ZNF423: variants seen among roughly 807,000 people sequenced by gnomAD.
ZNF423 encodes the protein Ebf-associated zinc finger protein.
A neutral mutation model predicts 95.8 loss-of-function variants in ZNF423; 12 were observed. The observed-to-expected ratio is 0.13, with a 90% confidence interval of 0.08 to 0.20. ZNF423 has a LOEUF of 0.20. ZNF423 is among the 10% of genes least tolerant of loss of function. The probability of loss-of-function intolerance (pLI) is 1.00; values close to 1 mark genes in which losing one functional copy is unlikely to be tolerated. For synonymous variants in ZNF423, 749 were observed against 711.9 expected (o/e 1.05, Z -0.83); for missense variants, 1,316 against 1,737.1 (o/e 0.76, Z 4.31).
intron 1 of ZNF423, among the ~76,000 whole-genome samples, chr16:49,832,323 G>T (rs2035069619): frequency 6.6e-6 from 1 of 152,240 alleles, no homozygotes; most frequent in African/African-American, 2.4e-5. Flanking sequence ...CTCATGAAAT[G>T]CCTGTCTTCT....
intron 7 of ZNF423, among the ~76,000 whole-genome samples, chr16:49,498,038 T>A (rs1490560700): frequency 1.3e-5 from 2 of 152,110 alleles, no homozygotes; most frequent in African/African-American, 2.4e-5. Context: ...GGTGTGTGTG[T>A]GAGAGCTTGA....
At chr16:49,826,253 C>G (rs543834435) in intron 1 of ZNF423, among the ~76,000 whole-genome samples, 4 of 152,122 alleles carry the variant, frequency 2.6e-5, no homozygotes, top group Admixed American at 2.0e-4. Flanking sequence ...CAGGGATGGG[C>G]TTTGATGTGC....
At chr16:49,595,452 C>G (rs1444494308) in intron 5 of ZNF423, among the ~76,000 whole-genome samples, 14 of 152,206 alleles carry the variant, frequency 9.2e-5, no homozygotes, top group Admixed American at 2.0e-4. Context: ...CAGCCACAGA[C>G]CAGCTTAGCC....
chr16:49,669,335 AAAAAAG>A (rs994644251), intron 3 of ZNF423, among the ~76,000 whole-genome samples: 37 of 152,254 alleles, frequency 2.4e-4, no homozygotes, highest in East Asian at 1.7e-3. Flanking sequence ...GTCTCAAAAA[AAAAAAG>A]AAAAAGAAAA....
intron 5 of ZNF423, among the ~76,000 whole-genome samples, chr16:49,618,104 G>A (rs1025731636): frequency 6.6e-6 from 1 of 152,210 alleles, no homozygotes; most frequent in Non-Finnish European, 1.5e-5. Flanking sequence ...CAAACGTGAT[G>A]AGCCTTCAGG....
chr16:49,682,618 G>T (rs1455985013), intron 3 of ZNF423, among the ~76,000 whole-genome samples: 1 of 152,224 alleles, frequency 6.6e-6, no homozygotes, highest in South Asian at 2.1e-4. Flanking sequence ...GGACATGAAA[G>T]ATGGGAAGAG....
intron 5 of ZNF423, among the ~76,000 whole-genome samples, chr16:49,581,616 T>C (rs1018053988): frequency 6.6e-6 from 1 of 152,180 alleles, no homozygotes; most frequent in African/African-American, 2.4e-5. Flanking sequence ...AAATTGTAGT[T>C]AAAAATTTAG....
intron 3 of ZNF423, among the ~76,000 whole-genome samples, chr16:49,657,516 C>A (rs960176789): frequency 5.3e-5 from 8 of 152,244 alleles, no homozygotes; most frequent in Admixed American, 1.3e-4. Context: ...CAGGTGTCTG[C>A]CTGTCTCAAG....
chr16:49,572,552 A>G (rs949955110), intron 5 of ZNF423, among the ~76,000 whole-genome samples: 1 of 152,218 alleles, frequency 6.6e-6, no homozygotes, highest in Non-Finnish European at 1.5e-5. Context: ...ATAGCTGAGC[A>G]AAACAGTGGG....
At chr16:49,700,209 A>AG (rs1174787132) in intron 3 of ZNF423, among the ~76,000 whole-genome samples, 24 of 135,512 alleles carry the variant, frequency 1.8e-4, no homozygotes, top group South Asian at 7.4e-4. Context: ...AAAAAAAAAA[A>AG]AAAAAAAACA....
At position 49,644,658 on chromosome 16, in the gene ZNF423, C is replaced by CAAA. The variant is rs56066766; in HGVS notation, c.302-5787_302-5785dup. Among the ~76,000 whole-genome samples the CAAA allele has an allele frequency of 7.6e-4, 30 of 39,580 alleles. 4 individuals are homozygous for CAAA. Among genetic ancestry groups the CAAA allele is most frequent in the Middle Eastern group, 0.028 (1 of 36 alleles). 26.0% of individuals were successfully genotyped at this position (39,580 alleles called of 152,430 possible). ...GGGTAACAAGAGTAAAACTCTGACT[C>CAAA]AAAAAAAAAAAAAAAAAAAAAAAAA... On this transcript the variant is annotated intron_variant, in intron 3 of 7. Transcript: ENST00000563137.
chr16:49,830,933 G>C (rs148169008), intron 1 of ZNF423, among the ~76,000 whole-genome samples: 23 of 152,214 alleles, frequency 1.5e-4, no homozygotes, highest in African/African-American at 5.3e-4. Flanking sequence ...ATACAATCCT[G>C]TGTCAGCCAG....
intron 5 of ZNF423, among the ~76,000 whole-genome samples, chr16:49,622,955 C>T (rs1332444702): frequency 1.3e-5 from 2 of 152,148 alleles, no homozygotes; most frequent in Non-Finnish European, 2.9e-5. Flanking sequence ...CCTGTACTCC[C>T]GTCACCCACA....
At chr16:49,494,191 C>A (rs1967073152) in intron 7 of ZNF423, among the ~76,000 whole-genome samples, 1 of 152,344 alleles carries the variant, frequency 6.6e-6, no homozygotes, top group Non-Finnish European at 1.5e-5. Flanking sequence ...ATGCCATTCC[C>A]CAGGAAAAGC....
At chr16:49,651,038 A>G (rs1212450572) in intron 3 of ZNF423, among the ~76,000 whole-genome samples, 3 of 148,290 alleles carry the variant, frequency 2.0e-5, no homozygotes, top group Non-Finnish European at 4.5e-5. Flanking sequence ...CTTTTTTCTT[A>G]GAGACAGGGT....
intron 2 of ZNF423, among the ~76,000 whole-genome samples, chr16:49,756,595 A>G (rs2033731474): frequency 6.6e-6 from 1 of 152,112 alleles, no homozygotes; most frequent in African/African-American, 2.4e-5. Context: ...CGTGTCTCGA[A>G]AGGTCCCTGC....
intron 5 of ZNF423, among the ~76,000 whole-genome samples, chr16:49,625,203 A>C (rs571833211): frequency 3.9e-5 from 6 of 152,276 alleles, no homozygotes; most frequent in African/African-American, 1.4e-4. Flanking sequence ...ATGGTGAAAA[A>C]TTAGCCAGGC....
chr16:49,777,289 C>A (rs1345719285), intron 2 of ZNF423, among the ~76,000 whole-genome samples: 1 of 152,168 alleles, frequency 6.6e-6, no homozygotes, highest in Non-Finnish European at 1.5e-5. Flanking sequence ...ATGGGTGGTA[C>A]ATGTGCATTG....
chr16:49,629,175 G>A (rs1972410053), intron 4 of ZNF423, among the ~76,000 whole-genome samples: 1 of 152,054 alleles, frequency 6.6e-6, no homozygotes, highest in African/African-American at 2.4e-5. Context: ...GCTCTTGCAT[G>A]GTGCACACTT....
Sources: allele counts gnomAD v4.1 joint callset (sites outside exome capture counted in the v4.1 genomes callset), GRCh38; gene constraint gnomAD v4.1.1; transcripts MANE v1.5; gene names NCBI Gene and HGNC (gene_info 2026-07-23, HGNC 2026-07-21).